DPPA3: variants seen among roughly 807,000 people sequenced by gnomAD.
DPPA3 encodes the protein developmental pluripotency associated 3, also known as developmental pluripotency-associated protein 3.
Under a neutral mutation model 15.6 loss-of-function variants are expected in DPPA3, and 9 were observed. That is an observed-to-expected ratio of 0.58 (90% CI 0.35 to 1.01). The LOEUF (loss-of-function observed/expected upper bound fraction) is 1.01, where lower values mean the gene tolerates loss of function less well. Ranked by LOEUF, DPPA3 falls within the 50% of genes least tolerant of loss-of-function variation. The pLI is 0.02. For synonymous variants in DPPA3, 61 were observed against 70.9 expected (o/e 0.86, Z 0.70); for missense variants, 148 against 194.6 (o/e 0.76, Z 1.42).
Position 7,715,208 on chromosome 12 carries a change from G to T in DPPA3, c.108G>T (p.Thr36=). 6.2e-7 allele frequency: 1 copy of T among 1,613,602 alleles called. No homozygotes were observed. The highest frequency in any genetic ancestry group is 8.5e-7 in the Non-Finnish European group (1 of 1,179,752). The change falls in exon 2 of 4, where the codon ACG becomes ACT. Residue 36 remains threonine (T), a synonymous_variant. Coordinates refer to ENST00000345088, the MANE Select transcript of DPPA3 (RefSeq NM_199286.4). ...GGGCCTCTCAAATCTCCTCCGAGAC[G>T]TTGATAAAGAACCTTAGTAACTTGA... is the stretch of plus-strand genomic sequence containing the variant. ...DSGASQISSE[T]LIKNLSNLTI...
In DPPA3 at chr12:7,712,834, G is replaced by C. The variant is rs963071943; in HGVS notation, c.82+1182G>C. Among the ~76,000 whole-genome samples the C allele has an allele frequency of 9.9e-5, 15 of 152,174 alleles. 1 individual carries two copies. The highest frequency in any genetic ancestry group is 3.6e-4 in the African/African-American group (15 of 41,442). ...ACACTTGGGTTCAGTCCATCCTCTT[G>C]CGTAGCTGGGACTGCAGGCGTGCGC... On this transcript the variant is annotated intron_variant, in intron 1 of 3. Transcript: ENST00000345088.
rs890326911 is a variant in DPPA3, at chr12:7,717,370, A to T, written c.*293A>T. The T allele has an allele frequency of 4.0e-6, 1 of 248,208 alleles. No individual in the cohort carries two copies. The highest frequency in any genetic ancestry group is 7.7e-6 in the Non-Finnish European group (1 of 130,126). 15.4% of individuals were successfully genotyped at this position (248,208 alleles called of 1,614,324 possible). A position where few individuals can be genotyped will look rare whatever the true frequency, so the allele number is the denominator to read the frequency against. On this transcript the variant is annotated 3_prime_UTR_variant, in exon 4 of 4. Transcript: ENST00000345088. ...CAAAGTCAGTGAGATGAAACCCAAC[A>T]TCAAGAAATTGAAGCAAAGTTACTT...
At chr12:7,711,723 T>G in intron 1 of DPPA3, 71 bp downstream of exon 1, 1 of 83,228 alleles carries the variant, frequency 1.2e-5, no homozygotes. Context: ...CTGCCGTCTT[T>G]TTTTTTTTTT....
intron 1 of DPPA3, 87 bp from the exon 2 acceptor site, chr12:7,715,096 C>T: frequency 4.4e-6 from 7 of 1,584,766 alleles, no homozygotes; most frequent in Non-Finnish European, 6.0e-6. Flanking sequence ...CACACAGCGC[C>T]CTGTTCCCCT....
At chr12:7,716,349 T>G in intron 3 of DPPA3, 110 bp downstream of exon 3, 1 of 850,486 alleles carries the variant, frequency 1.2e-6, no homozygotes, top group Non-Finnish European at 1.8e-6. Context: ...GGAATTTGCT[T>G]GGACTTTCTG....
At chr12:7,713,468 T>C (rs1394616491) in intron 1 of DPPA3, among the ~76,000 whole-genome samples, 2 of 152,226 alleles carry the variant, frequency 1.3e-5, no homozygotes, top group Non-Finnish European at 2.9e-5. Context: ...ACTTTGATAT[T>C]GTTTAATACT....
At chr12:7,715,522 G>A in intron 2 of DPPA3, 95 bp downstream of exon 2, 1 of 1,577,860 alleles carries the variant, frequency 6.3e-7, no homozygotes, top group Non-Finnish European at 8.6e-7. Flanking sequence ...TAGGCCCGGT[G>A]CGGTGGCTGA....
At chr12:7,712,555 C>A (rs1864356560) in intron 1 of DPPA3, among the ~76,000 whole-genome samples, 1 of 152,104 alleles carries the variant, frequency 6.6e-6, no homozygotes, top group African/African-American at 2.4e-5. Flanking sequence ...TCAAGCAATT[C>A]TCCTGTCTCA....
At chr12:7,714,934 C>G (rs1008297096) in intron 1 of DPPA3, among the ~76,000 whole-genome samples, 3 of 151,928 alleles carry the variant, frequency 2.0e-5, no homozygotes, top group African/African-American at 7.3e-5. Flanking sequence ...AGGATGGTCT[C>G]GATCTCCTGA....
rs374394729 is a variant in DPPA3, at chr12:7,715,463, C to A, written c.327+36C>A. 3.1e-6 allele frequency: 5 copies of A among 1,613,122 alleles called. No homozygotes were observed. In the African/African-American group the frequency reaches 6.7e-5, roughly 22 times the overall value. On this transcript the variant is annotated intron_variant, in intron 2 of 3. Coordinates refer to ENST00000345088, the MANE Select transcript of DPPA3 (RefSeq NM_199286.4). ...GTGATGTGGCCGGGGCTGTCCAATTCCGGAGAGTGACACTCATAAATTAAG... is the reference window on the plus strand; with the variant it reads ...GTGATGTGGCCGGGGCTGTCCAATTACGGAGAGTGACACTCATAAATTAAG...
intron 1 of DPPA3, among the ~76,000 whole-genome samples, chr12:7,712,628 A>G (rs1565454242): frequency 1.3e-5 from 2 of 151,948 alleles, no homozygotes; most frequent in South Asian, 2.1e-4. Context: ...TTGTATTTTT[A>G]GTAGAGACAG....
rs1012564150 is a variant in DPPA3, at chr12:7,717,049, A to G, written c.452A>G (p.Asn151Ser). 1 of 1,613,700 alleles carries G rather than the reference A, an allele frequency of 6.2e-7. No homozygotes were observed. The highest frequency in any genetic ancestry group is 8.5e-7 in the Non-Finnish European group (1 of 1,179,908). Residue 151 changes from asparagine (N) to serine (S), a missense_variant, in exon 4 of 4, where the codon AAT (asparagine) becomes AGT (serine). By Grantham distance (46) the Asn-to-Ser change is conservative. Transcript: ENST00000345088. ...WDPSENARIG[N>S]QDTKPLQP ...CCTTCTGAGAATGCTAGAATAGGGA[A>G]TCAAGACACCAAGCCACTTCAGCCA...
At chr12:7,712,337 G>A (rs1864354561) in intron 1 of DPPA3, among the ~76,000 whole-genome samples, 1 of 151,458 alleles carries the variant, frequency 6.6e-6, no homozygotes, top group South Asian at 2.1e-4. Context: ...ACGGTAAAAA[G>A]GAACAAATAC....
intron 1 of DPPA3, among the ~76,000 whole-genome samples, chr12:7,713,897 C>A (rs1255817927): frequency 6.6e-6 from 1 of 152,222 alleles, no homozygotes; most frequent in Admixed American, 6.5e-5. Flanking sequence ...CTTGTAGCGC[C>A]AGCTACTCTG....
chr12:7,715,456 T>TC, intron 2 of DPPA3, 29 bp downstream of exon 2: 1 of 1,613,532 alleles, frequency 6.2e-7, no homozygotes, highest in Non-Finnish European at 8.5e-7. Context: ...GCCGGGGCTG[T>TC]CCAATTCCGG....
At position 7,715,208 on chromosome 12, in the gene DPPA3, G is replaced by A. The variant is rs766520317; in HGVS notation, c.108G>A (p.Thr36=). 9 of 1,613,484 alleles carry A rather than the reference G, an allele frequency of 5.6e-6. No homozygotes were observed. Among genetic ancestry groups the A allele is most frequent in the Admixed American group, 5.0e-5 (3 of 59,952 alleles). The stretch of plus-strand genomic sequence containing the variant: ...GGGCCTCTCAAATCTCCTCCGAGAC[G>A]TTGATAAAGAACCTTAGTAACTTGA... ...DSGASQISSE[T]LIKNLSNLTI... The change falls in exon 2 of 4, where the codon ACG becomes ACA. Residue 36 remains threonine, a synonymous_variant. Transcript: ENST00000345088.
intron 1 of DPPA3, among the ~76,000 whole-genome samples, chr12:7,714,044 CGGTGAA>C (rs753219798): frequency 2.7e-5 from 4 of 149,764 alleles, no homozygotes; most frequent in Non-Finnish European, 6.0e-5. Flanking sequence ...CTGGCTAACA[CGGTGAA>C]ACCCCTTCTC....
intron 1 of DPPA3, 68 bp from the exon 2 acceptor site, chr12:7,715,115 G>T (rs1864383123): frequency 6.2e-7 from 1 of 1,606,676 alleles, no homozygotes; most frequent in African/African-American, 1.3e-5. Flanking sequence ...CTGCTTAAGG[G>T]CAGACCTAGT....
intron 1 of DPPA3, among the ~76,000 whole-genome samples, chr12:7,714,095 T>C (rs1864372921): frequency 6.6e-6 from 1 of 151,760 alleles, no homozygotes; most frequent in Admixed American, 6.6e-5. Flanking sequence ...CCGGGCATGG[T>C]GGTGGGCGCC....
Sources: gnomAD v4.1 joint callset for allele counts (sites outside exome capture counted in the v4.1 genomes callset) on GRCh38, gnomAD v4.1.1 for gene constraint, MANE v1.5 for transcripts, NCBI Gene and HGNC (gene_info 2026-07-23, HGNC 2026-07-21) for gene names.